Variants in RAP1A observed in about 807,000 individuals in gnomAD.
RAP1A encodes the protein ras-related protein Rap-1A.
A neutral mutation model predicts 26.4 loss-of-function variants in RAP1A; 6 were observed. The observed-to-expected ratio is 0.23, with a 90% CI of 0.12 to 0.45. The LOEUF is 0.45. RAP1A is among the 20% of genes least tolerant of loss of function. The pLI, the probability that RAP1A is intolerant of heterozygous loss-of-function variation, is 0.99. For synonymous variants in RAP1A, 73 were observed against 79.4 expected (o/e 0.92, Z 0.43); for missense variants, 121 against 217.2 (o/e 0.56, Z 2.78).
intron 1 of RAP1A, among the ~76,000 whole-genome samples, chr1:111,644,277 A>G (rs912835460): frequency 6.6e-6 from 1 of 152,226 alleles, no homozygotes; most frequent in African/African-American, 2.4e-5. Context: ...GAATAACAGA[A>G]TTTAAGTAAA....
Position 111,703,474 on chromosome 1 carries a change from G to T in RAP1A, c.322G>T (p.Asp108Tyr), listed in dbSNP as rs1446754282. The change falls in exon 5 of 8, where the codon GAT (aspartate) becomes TAT (tyrosine). Residue 108 changes from aspartate (D) to tyrosine (Y), a missense_variant and splice_region_variant. Physicochemically the swap from Asp to Tyr is radical, Grantham distance 160. Coordinates refer to ENST00000369709, the MANE Select transcript of RAP1A (RefSeq NM_002884.4). ...EQILRVKDTE[D>Y]VPMILVGNKC... ...GATTTTACGGGTTAAGGACACGGAA[G>T]ATGTAAGTATTTTTTCTCTCTGTAA... is the stretch of plus-strand genomic sequence containing the variant. 1 of 1,580,896 alleles carries T rather than the reference G, an allele frequency of 6.3e-7. No individual in the cohort carries two copies. The highest frequency in any genetic ancestry group is 1.9e-5 in the Admixed American group (1 of 52,042).
chr1:111,607,784 A>C (rs1571494714), intron 1 of RAP1A, among the ~76,000 whole-genome samples: 1 of 108,936 alleles, frequency 9.2e-6, no homozygotes, highest in Non-Finnish European at 1.9e-5. Flanking sequence ...GGCGCCCCTC[A>C]CCTCCCGGAC....
chr1:111,592,484 G>A (rs907658440), intron 1 of RAP1A, among the ~76,000 whole-genome samples: 1 of 152,130 alleles, frequency 6.6e-6, no homozygotes, highest in Non-Finnish European at 1.5e-5. Flanking sequence ...TGAAGTTTAG[G>A]GTAAATGATT....
In RAP1A at chr1:111,641,651, G is replaced by A. The variant is rs373061831; in HGVS notation, c.-28+21717G>A. ...GGTGTGTGCGTGTGTGTGTGTGTGC[G>A]CGCGCATGCACATAGGTCTTTGTAA... On this transcript the variant is annotated intron_variant, in intron 1 of 7. Transcript: ENST00000369709. Among the ~76,000 whole-genome samples, 37 of 152,142 alleles carry A rather than the reference G, an allele frequency of 2.4e-4. 1 individual carries two copies. In the South Asian group the frequency reaches 6.8e-3, roughly 28 times the overall value.
chr1:111,629,664 A>G (rs1471200653), intron 1 of RAP1A, among the ~76,000 whole-genome samples: 1 of 152,176 alleles, frequency 6.6e-6, no homozygotes, highest in Non-Finnish European at 1.5e-5. Context: ...ATCCTTGAAA[A>G]TATTTTTAAA....
At chr1:111,591,922 C>T (rs1658479810) in intron 1 of RAP1A, among the ~76,000 whole-genome samples, 1 of 152,362 alleles carries the variant, frequency 6.6e-6, no homozygotes, top group East Asian at 1.9e-4. Context: ...ATCAGCTTTT[C>T]TCTTTCAGAA....
intron 1 of RAP1A, among the ~76,000 whole-genome samples, chr1:111,672,929 A>T (rs531797967): frequency 1.3e-5 from 2 of 151,968 alleles, no homozygotes; most frequent in African/African-American, 4.8e-5. Flanking sequence ...TTCTTAGTTT[A>T]CCTCTGGAAA....
rs1660037855 is a variant in RAP1A at position 111,645,534 on chromosome 1, AC to A, written c.-28+25601del. On this transcript the variant is annotated intron_variant, in intron 1 of 7. Transcript: ENST00000369709. The stretch of plus-strand genomic sequence containing the variant: ...TAAGATTCACTAACAGTTGATGTGT[AC>A]TGGCTGATTTGCGGGTGAAACAACA... 3.9e-5 allele frequency among the ~76,000 whole-genome samples: 6 copies of A among 152,216 alleles called. No individual in the cohort carries two copies. In the South Asian group the frequency reaches 1.2e-3, roughly 32 times the overall value.
At chr1:111,587,953 T>C (rs1658409217) in intron 1 of RAP1A, among the ~76,000 whole-genome samples, 1 of 152,220 alleles carries the variant, frequency 6.6e-6, no homozygotes, top group Non-Finnish European at 1.5e-5. Context: ...AAGTTTTTGC[T>C]TTCCCCAGTC....
At chr1:111,612,886 A>G (rs1487845007) in intron 1 of RAP1A, among the ~76,000 whole-genome samples, 1 of 152,236 alleles carries the variant, frequency 6.6e-6, no homozygotes, top group Non-Finnish European at 1.5e-5. Flanking sequence ...GCCAGTCTCT[A>G]TGAAGAGTAT....
At chr1:111,563,902 T>C in intron 1 of RAP1A, 1 of 1,613,922 alleles carries the variant, frequency 6.2e-7, no homozygotes, top group Non-Finnish European at 8.5e-7. Context: ...CCCAGGAGCT[T>C]TCCCACCTGG....
At chr1:111,597,773 G>A (rs1288866359) in intron 1 of RAP1A, among the ~76,000 whole-genome samples, 1 of 152,072 alleles carries the variant, frequency 6.6e-6, no homozygotes, top group African/African-American at 2.4e-5. Flanking sequence ...ACTTTCCTCT[G>A]ACCAGCAACA....
At chr1:111,628,445 T>G (rs1317650672) in intron 1 of RAP1A, among the ~76,000 whole-genome samples, 1 of 152,142 alleles carries the variant, frequency 6.6e-6, no homozygotes, top group African/African-American at 2.4e-5. Flanking sequence ...AATATGGAGA[T>G]AAGGGAGAAT....
intron 1 of RAP1A, among the ~76,000 whole-genome samples, chr1:111,591,429 C>T (rs1658469327): frequency 6.6e-6 from 1 of 152,118 alleles, no homozygotes. Flanking sequence ...TCATTAATTT[C>T]CAGTGTTTCT....
intron 1 of RAP1A, among the ~76,000 whole-genome samples, chr1:111,594,877 A>T (rs1658536933): frequency 6.6e-6 from 1 of 152,238 alleles, no homozygotes; most frequent in Non-Finnish European, 1.5e-5. Context: ...TATAAAAATA[A>T]AAGTAGAAAC....
chr1:111,656,277 C>G (rs1196043557), intron 1 of RAP1A, among the ~76,000 whole-genome samples: 1 of 152,092 alleles, frequency 6.6e-6, no homozygotes, highest in Non-Finnish European at 1.5e-5. Flanking sequence ...ATTGCAACAC[C>G]TTAACCTCTA....
At chr1:111,637,595 A>G (rs1329094165) in intron 1 of RAP1A, among the ~76,000 whole-genome samples, 1 of 152,192 alleles carries the variant, frequency 6.6e-6, no homozygotes, top group Admixed American at 6.5e-5. Flanking sequence ...ACTTGTTAAC[A>G]TTTTGGTGTA....
intron 1 of RAP1A, among the ~76,000 whole-genome samples, chr1:111,599,434 T>C (rs1658625852): frequency 1.3e-5 from 2 of 152,220 alleles, no homozygotes; most frequent in African/African-American, 4.8e-5. Flanking sequence ...CTCCATCTCC[T>C]GACCTCGTGA....
At chr1:111,671,964 CTG>C (rs1045581751) in intron 1 of RAP1A, among the ~76,000 whole-genome samples, 1 of 152,274 alleles carries the variant, frequency 6.6e-6, no homozygotes, top group East Asian at 1.9e-4. Flanking sequence ...AAATTACACT[CTG>C]TATGATTTCA....
Sources: gnomAD v4.1 joint callset for allele counts (sites outside exome capture counted in the v4.1 genomes callset) on GRCh38, gnomAD v4.1.1 for gene constraint, MANE v1.5 for transcripts, NCBI Gene and HGNC (gene_info 2026-07-23, HGNC 2026-07-21) for gene names.